HNF4A: variants seen among roughly 807,000 people sequenced by gnomAD.
HNF4A encodes the protein hepatocyte nuclear factor 4 alpha, also known as hepatocyte nuclear factor 4-alpha.
Under a neutral mutation model 52.4 loss-of-function variants are expected in HNF4A, and 15 were observed. That is an observed-to-expected ratio of 0.29 (90% CI 0.19 to 0.44). The LOEUF (loss-of-function observed/expected upper bound fraction) is 0.44, where lower values mean the gene tolerates loss of function less well. HNF4A is among the 20% of genes least tolerant of loss of function. The pLI is 1.00. For synonymous variants in HNF4A, 280 were observed against 264.4 expected, an observed-to-expected ratio of 1.06 and a Z score of -0.57; for missense variants, 479 against 647.2, an observed-to-expected ratio of 0.74 and a Z score of 2.82.
At position 44,401,266 on chromosome 20, in the gene HNF4A, G is replaced by A; in HGVS notation, c.-107G>A. 2 of 1,579,186 alleles carry A rather than the reference G, an allele frequency of 1.3e-6. No individual in the cohort carries two copies. The highest frequency in any genetic ancestry group is 1.7e-6 in the Non-Finnish European group (2 of 1,166,000). The stretch of plus-strand genomic sequence containing the variant: ...ATCTTCCCAGAGGACGGTTTGAAAG[G>A]AAGGCAGAGAGGGCACTGGGAGGAG... On this transcript the variant is annotated 5_prime_UTR_variant, in exon 1 of 10. Transcript: ENST00000316099.
intron 1 of HNF4A, among the ~76,000 whole-genome samples, chr20:44,374,218 G>A (rs1014418276): frequency 1.3e-5 from 2 of 152,156 alleles, no homozygotes; most frequent in African/African-American, 2.4e-5. Flanking sequence ...TTTTACAAGT[G>A]AGAACATGCA....
At chr20:44,357,934 T>C (rs1053366079) in intron 1 of HNF4A, among the ~76,000 whole-genome samples, 1 of 151,362 alleles carries the variant, frequency 6.6e-6, no homozygotes, top group African/African-American at 2.4e-5. Flanking sequence ...GCCACAGATA[T>C]GGCTGGACAG....
At chr20:44,377,686 C>G (rs6093972) in intron 1 of HNF4A, 1 of 151,966 alleles carries the variant, frequency 6.6e-6, no homozygotes, top group East Asian at 1.9e-4. Context: ...TCGCTTAAAC[C>G]TGGGAGGCAG....
chr20:44,413,412 G>A (rs921900389), intron 3 of HNF4A, among the ~76,000 whole-genome samples: 1 of 152,096 alleles, frequency 6.6e-6, no homozygotes, highest in East Asian at 1.9e-4. Context: ...CAATGCTCAA[G>A]ACCAATTTTA....
chr20:44,427,218 A>G (rs924312581), intron 8 of HNF4A, among the ~76,000 whole-genome samples: 1 of 152,218 alleles, frequency 6.6e-6, no homozygotes, highest in African/African-American at 2.4e-5. Context: ...CTGTTATGTG[A>G]TAGCTCATTT....
chr20:44,368,812 A>G (rs967764672), intron 1 of HNF4A, among the ~76,000 whole-genome samples: 3 of 152,194 alleles, frequency 2.0e-5, no homozygotes, highest in African/African-American at 7.2e-5. Context: ...TGGTTATGCA[A>G]TTTAAAATAT....
At position 44,414,671 on chromosome 20, in the gene HNF4A, G is replaced by T. The variant is rs761113191; in HGVS notation, c.648+9G>T. ...TCCCCCTGGACGACCAGGTGAGGATGGGCGTGGATGGTGGGCAGTAGTGGG... is the reference window on the plus strand; with the variant it reads ...TCCCCCTGGACGACCAGGTGAGGATTGGCGTGGATGGTGGGCAGTAGTGGG... On this transcript the variant is annotated intron_variant, in intron 5 of 9. Coordinates refer to ENST00000316099, the MANE Select transcript of HNF4A (RefSeq NM_000457.6). The T allele has an allele frequency of 1.3e-6, 2 of 1,593,274 alleles. No homozygotes were observed. Among genetic ancestry groups the T allele is most frequent in the African/African-American group, 2.7e-5 (2 of 74,844 alleles).
Position 44,376,204 on chromosome 20 carries a change from G to T in HNF4A, c.49+20351G>T, listed in dbSNP as rs142945366. On this transcript the variant is annotated intron_variant, in intron 1 of 9. Transcript: ENST00000316673. The stretch of plus-strand genomic sequence containing the variant: ...TGCTTCAACCCGGGAGGCAGAGGTT[G>T]CAGTGAGCCGAGATCATGCCACTGC... Among the ~76,000 whole-genome samples, 223 of 152,316 alleles carry T rather than the reference G, an allele frequency of 1.5e-3. 2 individuals are homozygous for T. The highest frequency in any genetic ancestry group is 4.9e-3 in the African/African-American group (204 of 41,568).
upstream of HNF4A, chr20:44,401,236 A>G (rs1250098475): frequency 1.3e-6 from 2 of 1,540,066 alleles, no homozygotes; most frequent in East Asian, 4.8e-5. Flanking sequence ...CAAGACTCCC[A>G]GCAGATCTTC....
chr20:44,391,784 G>A (rs1174063209), intron 1 of HNF4A, among the ~76,000 whole-genome samples: 1 of 152,166 alleles, frequency 6.6e-6, no homozygotes, highest in Non-Finnish European at 1.5e-5. Flanking sequence ...ATGCTATCTG[G>A]TCTGTATAAA....
upstream of HNF4A, among the ~76,000 whole-genome samples, chr20:44,396,537 G>A (rs1369569504): frequency 1.3e-5 from 2 of 152,132 alleles, no homozygotes; most frequent in Admixed American, 6.5e-5. Flanking sequence ...CTCTTGAGCT[G>A]GGGCCCGACA....
chr20:44,400,548 C>T (rs1056198442), upstream of HNF4A, among the ~76,000 whole-genome samples: 3 of 145,544 alleles, frequency 2.1e-5, no homozygotes, highest in Non-Finnish European at 3.0e-5. Context: ...CTGCCTGCTC[C>T]GGGAGGGGGT....
At chr20:44,371,232 T>G (rs2063030398) in intron 1 of HNF4A, among the ~76,000 whole-genome samples, 2 of 152,206 alleles carry the variant, frequency 1.3e-5, no homozygotes, top group Admixed American at 1.3e-4. Context: ...TACTTGTAAG[T>G]TAGAGGCTAT....
intron 7 of HNF4A, among the ~76,000 whole-genome samples, chr20:44,420,581 G>A (rs185588645): frequency 2.3e-4 from 35 of 152,194 alleles, no homozygotes; most frequent in African/African-American, 8.4e-4. Context: ...GGAGTTCGAG[G>A]CCAGCCTGGC....
intron 7 of HNF4A, 115 bp downstream of exon 7, chr20:44,419,991 C>A: frequency 1.9e-6 from 2 of 1,064,514 alleles, no homozygotes; most frequent in Non-Finnish European, 1.5e-6. Flanking sequence ...TTAACGACAG[C>A]CAGGAGAGGC....
intron 3 of HNF4A, among the ~76,000 whole-genome samples, chr20:44,407,701 G>T (rs1469214673): frequency 5.3e-5 from 8 of 151,794 alleles, no homozygotes; most frequent in Admixed American, 4.6e-4. Flanking sequence ...GGCTCCTCAG[G>T]CTCCCAGCAA....
intron 5 of HNF4A, among the ~76,000 whole-genome samples, chr20:44,417,987 A>G (rs886088165): frequency 7.3e-5 from 11 of 151,212 alleles, no homozygotes; most frequent in Non-Finnish European, 1.6e-4. Flanking sequence ...AAAAAAAAAT[A>G]GAATCTGTAT....
chr20:44,357,621 T>A (rs2062872434), intron 1 of HNF4A, among the ~76,000 whole-genome samples: 1 of 152,188 alleles, frequency 6.6e-6, no homozygotes, highest in Non-Finnish European at 1.5e-5. Flanking sequence ...CTCATGTCTC[T>A]TCATCTCTGC....
upstream of HNF4A, chr20:44,401,156 C>G: frequency 7.1e-7 from 1 of 1,413,486 alleles, no homozygotes; most frequent in Non-Finnish European, 9.3e-7. Flanking sequence ...TATCCACCGG[C>G]GGGGGACCGA....
Sources: gnomAD v4.1 joint callset for allele counts (sites outside exome capture counted in the v4.1 genomes callset) on GRCh38, gnomAD v4.1.1 for gene constraint, MANE v1.5 for transcripts, NCBI Gene and HGNC (gene_info 2026-07-23, HGNC 2026-07-21) for gene names.